Variants in CHD9 observed in about 807,000 individuals in gnomAD.
CHD9 encodes ATP-dependent chromatin remodeler CHD9.
CHD9 carries 77 observed loss-of-function variants against 316.1 expected under a neutral mutation model. The observed-to-expected ratio is 0.24, with a 90% CI of 0.20 to 0.29. The LOEUF (loss-of-function observed/expected upper bound fraction) is 0.29, where lower values mean the gene tolerates loss of function less well. Among genes scored for constraint, CHD9 ranks in the 10% least tolerant of loss-of-function variants. The probability of loss-of-function intolerance (pLI) is 1.00; values close to 1 mark genes in which losing one functional copy is unlikely to be tolerated. For synonymous variants in CHD9, 1,129 were observed against 1,158.3 expected, an observed-to-expected ratio of 0.97 and a Z score of 0.51; for missense variants, 2,763 against 3,438.1, an observed-to-expected ratio of 0.80 and a Z score of 4.91.
At chr16:53,125,038 A>C (rs771089304) in intron 1 of CHD9, among the ~76,000 whole-genome samples, 1 of 152,058 alleles carries the variant, frequency 6.6e-6, no homozygotes, top group Non-Finnish European at 1.5e-5. Context: ...GCATCTTTTC[A>C]TGTGCATATT....
intron 19 of CHD9, 98 bp from the exon 20 acceptor site, chr16:53,262,889 T>G (rs2051286651): frequency 1.1e-6 from 1 of 950,558 alleles, no homozygotes; most frequent in East Asian, 2.5e-5. Context: ...TGTATGAGTA[T>G]GCAGAATTCA....
At chr16:53,321,670 A>T (rs769668865) in intron 38 of CHD9, 40 bp downstream of exon 38, 2 of 1,029,218 alleles carry the variant, frequency 1.9e-6, no homozygotes, top group South Asian at 2.1e-5. Flanking sequence ...ATTATTTTCA[A>T]ATTAGGTGCC....
chr16:53,140,620 C>G (rs1426607853), intron 1 of CHD9, among the ~76,000 whole-genome samples: 2 of 152,114 alleles, frequency 1.3e-5, no homozygotes, highest in East Asian at 3.9e-4. Context: ...CAGAGTCTCG[C>G]TCATCTCCTG....
At chr16:53,217,922 T>G (rs1269822465) in intron 3 of CHD9, among the ~76,000 whole-genome samples, 3 of 48,370 alleles carry the variant, frequency 6.2e-5, no homozygotes, top group Non-Finnish European at 1.5e-4. Flanking sequence ...TTTTCTTTCT[T>G]TCTTTCTTTC....
At chr16:53,151,345 G>A (rs1213938442) in intron 1 of CHD9, among the ~76,000 whole-genome samples, 4 of 151,228 alleles carry the variant, frequency 2.6e-5, no homozygotes, top group East Asian at 3.9e-4. Context: ...TCTGCCTCTC[G>A]GGTTCAAGTG....
At chr16:53,093,542 A>G (rs2152558646) in intron 1 of CHD9, among the ~76,000 whole-genome samples, 1 of 152,346 alleles carries the variant, frequency 6.6e-6, no homozygotes, top group Admixed American at 6.5e-5. Flanking sequence ...AGAGTAGGGC[A>G]GTGAAGGAGT....
rs756463231 is a variant in CHD9, at chr16:53,293,018, C to T, written c.5476C>T (p.Pro1826Ser). 10 of 1,613,490 alleles carry T rather than the reference C, an allele frequency of 6.2e-6. No homozygotes were observed. The highest frequency in any genetic ancestry group is 8.5e-6 in the Non-Finnish European group (10 of 1,179,764). ...TATTTATGAGGAAGCCACTCTTAAT[C>T]CTAAAATGGCAGCCAAGATAGAAAG... ...QPIYEEATLN[P>S]KMAAKIERQQ... The change falls in exon 29 of 39, where the codon CCT becomes TCT. Residue 1826 changes from proline to serine, a missense_variant. Transcript: ENST00000447540.
chr16:53,276,235 G>C (rs1319870573), intron 24 of CHD9, among the ~76,000 whole-genome samples: 2 of 152,010 alleles, frequency 1.3e-5, no homozygotes, highest in East Asian at 1.9e-4. Flanking sequence ...CTCAACTCAG[G>C]TTAATCTCAG....
chr16:53,246,055 G>A (rs994656822), intron 15 of CHD9, among the ~76,000 whole-genome samples: 16 of 152,314 alleles, frequency 1.1e-4, no homozygotes, highest in African/African-American at 3.8e-4. Flanking sequence ...GACAGCAGCA[G>A]TTTGTTCAGT....
intron 10 of CHD9, 84 bp from the exon 11 acceptor site, chr16:53,235,101 G>T (rs561678587): frequency 3.6e-6 from 4 of 1,114,260 alleles, no homozygotes; most frequent in Non-Finnish European, 5.1e-6. Context: ...TGCCTCTTAG[G>T]GTTATTTTTA....
At chr16:53,202,177 A>T (rs544514847) in intron 2 of CHD9, among the ~76,000 whole-genome samples, 36 of 152,232 alleles carry the variant, frequency 2.4e-4, no homozygotes, top group African/African-American at 7.5e-4. Flanking sequence ...TTTTGTCTTT[A>T]AAACACAACT....
Position 53,229,080 on chromosome 16 carries a change from A to G in CHD9, c.2266A>G (p.Arg756Gly), listed in dbSNP as rs367960322. The G allele has an allele frequency of 1.3e-6, 2 of 1,583,212 alleles. No homozygotes were observed. The highest frequency in any genetic ancestry group is 2.7e-5 in the African/African-American group (2 of 74,302). ...IKRFKLRQAQRAHFFADMEEE... is the reference protein window; with the variant it reads ...IKRFKLRQAQGAHFFADMEEE... ...ACGATTCAAATTGAGACAAGCACAA[A>G]GAGCACATTTTTTTGCAGACGTAAG... Residue 756 changes from arginine to glycine, a missense_variant, in exon 8 of 39, where the codon AGA (arginine) becomes GGA (glycine). Physicochemically the swap from Arg to Gly is moderately radical, Grantham distance 125. Coordinates refer to ENST00000447540, the MANE Select transcript of CHD9 (RefSeq NM_001308319.2).
chr16:53,174,060 C>T (rs2042949472), intron 2 of CHD9, among the ~76,000 whole-genome samples: 1 of 152,006 alleles, frequency 6.6e-6, no homozygotes, highest in Non-Finnish European at 1.5e-5. Flanking sequence ...TTCTTTGGCC[C>T]ATGGATTATT....
intron 24 of CHD9, among the ~76,000 whole-genome samples, chr16:53,281,211 T>G (rs1378327584): frequency 6.6e-6 from 1 of 152,116 alleles, no homozygotes; most frequent in African/African-American, 2.4e-5. Flanking sequence ...CTCCCAACAT[T>G]TCCACTTAAA....
At chr16:53,178,433 T>C (rs1421691575) in intron 2 of CHD9, among the ~76,000 whole-genome samples, 2 of 135,826 alleles carry the variant, frequency 1.5e-5, no homozygotes, top group African/African-American at 3.2e-5. Context: ...GTTTCTTTTT[T>C]TTTTTTTTTT....
intron 22 of CHD9, among the ~76,000 whole-genome samples, chr16:53,271,308 C>T (rs1363397145): frequency 6.6e-6 from 1 of 152,050 alleles, no homozygotes; most frequent in African/African-American, 2.4e-5. Context: ...GTGGCTCACC[C>T]CTGTAATCCC....
chr16:53,066,090 G>A (rs915316993), intron 1 of CHD9, among the ~76,000 whole-genome samples: 1 of 152,130 alleles, frequency 6.6e-6, no homozygotes, highest in African/African-American at 2.4e-5. Flanking sequence ...GGGTGCTGGG[G>A]TTTGTTCCAT....
At chr16:53,249,256 G>A (rs964758576) in intron 16 of CHD9, among the ~76,000 whole-genome samples, 1 of 152,134 alleles carries the variant, frequency 6.6e-6, no homozygotes, top group Non-Finnish European at 1.5e-5. Context: ...TGTGTCAGAT[G>A]TCATATGTAT....
intron 2 of CHD9, among the ~76,000 whole-genome samples, chr16:53,165,639 C>G (rs1009171075): frequency 3.3e-5 from 5 of 152,014 alleles, no homozygotes; most frequent in Admixed American, 6.6e-5. Context: ...ATTTGAAAAT[C>G]ATCTTAAGCA....
Sources: allele counts gnomAD v4.1 joint callset (sites outside exome capture counted in the v4.1 genomes callset), GRCh38; gene constraint gnomAD v4.1.1; transcripts MANE v1.5; gene names NCBI Gene and HGNC (gene_info 2026-07-23, HGNC 2026-07-21).